Variants in KRT9 observed in about 807,000 individuals in gnomAD.
KRT9 encodes the protein keratin, type I cytoskeletal 9.
Under a neutral mutation model 51.4 loss-of-function variants are expected in KRT9, and 34 were observed. That is an observed-to-expected ratio of 0.66 (90% CI 0.50 to 0.88). KRT9 has a LOEUF of 0.88. KRT9 is among the 40% of genes least tolerant of loss of function. The probability of loss-of-function intolerance (pLI) is 0.00; values close to 1 mark genes in which losing one functional copy is unlikely to be tolerated. For missense variants in KRT9, 753 were observed against 790.3 expected, an observed-to-expected ratio of 0.95 and a Z score of 0.57; for synonymous variants, 292 against 289.7, an observed-to-expected ratio of 1.01 and a Z score of -0.08.
At chr17:41,571,167 G>A in intron 1 of KRT9, among the ~76,000 whole-genome samples, 184 bp downstream of exon 1, 1 of 152,186 alleles carries the variant, frequency 6.6e-6, no homozygotes. Flanking sequence ...TCAGAGCACA[G>A]GCCAAAGTCC....
chr17:41,567,613 C>G lies in KRT9; in HGVS notation c.1532G>C (p.Gly511Ala). The G allele has an allele frequency of 5.1e-6, 8 of 1,571,474 alleles. No homozygotes were observed. The highest frequency in any genetic ancestry group is 6.9e-6 in the Non-Finnish European group (8 of 1,158,918). The change falls in exon 7 of 8, where the codon GGG becomes GCG. Residue 511 changes from glycine to alanine, a missense_variant. Physicochemically the swap from Gly to Ala is moderately conservative, Grantham distance 60. Coordinates refer to ENST00000246662, the MANE Select transcript of KRT9 (RefSeq NM_000226.4). ...GSGGGYGGGSGSRGGSGGSYG... is the reference protein window; with the variant it reads ...GSGGGYGGGSASRGGSGGSYG... ...GCTGCCTCCACTTCCTCCCCTGGAC[C>G]CACTTCCTCCACCATAGCCACCTCC... is the stretch of plus-strand genomic sequence containing the variant.
In KRT9 at chr17:41,567,626, C is replaced by G. The variant is rs144649847; in HGVS notation, c.1519G>C (p.Gly507Arg). 2.1e-4 allele frequency: 331 copies of G among 1,581,756 alleles called. No individual in the cohort carries two copies. The highest frequency in any genetic ancestry group is 2.8e-4 in the Non-Finnish European group (323 of 1,164,320). The change falls in exon 7 of 8, where the codon GGT becomes CGT. Residue 507 changes from glycine to arginine, a missense_variant. Gly to Arg is a moderately radical substitution (Grantham distance 125, BLOSUM62 -2). Transcript: ENST00000246662. Reference sequence around the variant, plus strand: ...CCTCCCCTGGACCCACTTCCTCCACCATAGCCACCTCCACTTCCTCCTCCA... The same window carrying G: ...CCTCCCCTGGACCCACTTCCTCCACGATAGCCACCTCCACTTCCTCCTCCA... ...YGGGGSGGGY[G>R]GGSGSRGGSG...
intron 7 of KRT9, among the ~76,000 whole-genome samples, chr17:41,566,539 G>A (rs1309874351): frequency 6.6e-6 from 1 of 152,188 alleles, no homozygotes; most frequent in East Asian, 1.9e-4. Context: ...ACCCTGCAGG[G>A]CAGCTCCCAA....
In KRT9 at chr17:41,571,595, C is replaced by A. The variant is rs750183855; in HGVS notation, c.398G>T (p.Gly133Val). Residue 133 changes from glycine (G) to valine (V), a missense_variant, in exon 1 of 8, where the codon GGG becomes GTG. By Grantham distance (109) the Gly-to-Val change is moderately radical. Around this residue, in one of 3 missense-constraint regions of KRT9, gnomAD observed 241 missense variants for 210.3 expected, o/e 1.15. Coordinates refer to ENST00000246662, the MANE Select transcript of KRT9 (RefSeq NM_000226.4). ...FGGGYGSGFG[G>V]FGGFGGGAGG... Reference sequence around the variant, plus strand: ...AGCACCACCTCCAAAGCCCCCAAACCCCCCAAACCCACTCCCATAGCCACC... The same window carrying A: ...AGCACCACCTCCAAAGCCCCCAAACACCCCAAACCCACTCCCATAGCCACC... 6.2e-7 allele frequency: 1 copy of A among 1,600,884 alleles called. No individual in the cohort carries two copies. The highest frequency in any genetic ancestry group is 1.3e-5 in the African/African-American group (1 of 74,458).
chr17:41,567,214 A>C lies in KRT9; in HGVS notation c.*40+19T>G. The C allele has an allele frequency of 6.2e-7, 1 of 1,611,808 alleles. No individual in the cohort carries two copies. The highest frequency in any genetic ancestry group is 8.5e-7 in the Non-Finnish European group (1 of 1,179,728). ...TGAGACCTTGACTCTCCACCCCACAACCTAGGATTGTCCCTTACCTTTTGT... is the reference window on the plus strand; with the variant it reads ...TGAGACCTTGACTCTCCACCCCACACCCTAGGATTGTCCCTTACCTTTTGT... On this transcript the variant is annotated intron_variant, in intron 7 of 7. Transcript: ENST00000246662.
chr17:41,571,888 G>A lies in KRT9; in HGVS notation c.105C>T (p.Phe35=), dbSNP rs1907102687. The change falls in exon 1 of 8, where the codon TTC becomes TTT. Residue 35 remains phenylalanine (F), a synonymous_variant. Transcript: ENST00000246662. The part of the protein sequence containing the change: ...GGSIRSSYSR[F]SSSGGGGGGG... ...CTCCTCCACCGCCCCCTGAGGAGCT[G>A]AAGCGGCTGTAGGAAGACCTTATGC... The A allele has an allele frequency of 1.2e-6, 2 of 1,610,234 alleles. No individual in the cohort carries two copies. The highest frequency in any genetic ancestry group is 1.7e-6 in the Non-Finnish European group (2 of 1,178,508).
At chr17:41,567,806 G>A (rs1255226587) in intron 6 of KRT9, 56 bp from the exon 7 acceptor site, 5 of 1,610,790 alleles carry the variant, frequency 3.1e-6, no homozygotes, top group African/African-American at 2.7e-5. Flanking sequence ...ACACATATAT[G>A]AGGATGGACC....
Position 41,571,637 on chromosome 17 carries a change from G to A in KRT9, c.356C>T (p.Ser119Phe). 1 of 1,603,588 alleles carries A rather than the reference G, an allele frequency of 6.2e-7. No individual in the cohort carries two copies. The highest frequency in any genetic ancestry group is 2.3e-5 in the East Asian group (1 of 44,120). The change falls in exon 1 of 8, where the codon TCT (serine) becomes TTT (phenylalanine). Residue 119 changes from serine (S) to phenylalanine (F), a missense_variant. Coordinates refer to ENST00000246662, the MANE Select transcript of KRT9 (RefSeq NM_000226.4). ...ATAGCCACCACCAAAGCCACCTCCA[G>A]AACCACCACCAAAGCCACCTCCAAA... Reference protein sequence around the residue: ...GGFGGGFGGGSGGGFGGGYGS... With the variant: ...GGFGGGFGGGFGGGFGGGYGS...
At chr17:41,568,484 A>G in intron 5 of KRT9, 24 bp downstream of exon 5, 1 of 1,614,086 alleles carries the variant, frequency 6.2e-7, no homozygotes, top group Non-Finnish European at 8.5e-7. Context: ...ACCTTGGCAA[A>G]GGGTCTATAG....
chr17:41,567,175 A>G, intron 7 of KRT9, 58 bp downstream of exon 7: 1 of 640,944 alleles, frequency 1.6e-6, no homozygotes, highest in Non-Finnish European at 2.0e-6. Flanking sequence ...AAAATACTCA[A>G]AAAAAAAAAA....
At chr17:41,570,747 G>A (rs1907054402) in intron 1 of KRT9, among the ~76,000 whole-genome samples, 2 of 152,164 alleles carry the variant, frequency 1.3e-5, no homozygotes, top group African/African-American at 4.8e-5. Context: ...GAGCCAGACC[G>A]TGAGCTCCAC....
chr17:41,569,344 G>T (rs570964519), intron 4 of KRT9, 82 bp downstream of exon 4: 1 of 1,348,398 alleles, frequency 7.4e-7, no homozygotes. Context: ...GAGATAGGAG[G>T]ATGAAGGAAT....
Position 41,569,613 on chromosome 17 carries a change from G to A in KRT9, c.883-26C>T, listed in dbSNP as rs371632610. 170 of 1,612,486 alleles carry A rather than the reference G, an allele frequency of 1.1e-4. No individual in the cohort carries two copies. The Middle Eastern group carries it at 1.6e-3, about 15-fold the overall frequency. ...CTGCCAGGGAAGAAGGGGAGATGAGGTCACGGATAAAGTCCTCTGCACCAC... is the reference window on the plus strand; with the variant it reads ...CTGCCAGGGAAGAAGGGGAGATGAGATCACGGATAAAGTCCTCTGCACCAC... On this transcript the variant is annotated intron_variant, in intron 3 of 7. Coordinates refer to ENST00000246662, the MANE Select transcript of KRT9 (RefSeq NM_000226.4).
At position 41,569,514 on chromosome 17, in the gene KRT9, A is replaced by G; in HGVS notation, c.956T>C (p.Leu319Pro). 5 of 1,614,162 alleles carry G rather than the reference A, an allele frequency of 3.1e-6. No individual in the cohort carries two copies. Among genetic ancestry groups the G allele is most frequent in the Non-Finnish European group, 4.2e-6 (5 of 1,180,024 alleles). Residue 319 changes from leucine to proline, a missense_variant, in exon 4 of 8, where the codon CTC (leucine) becomes CCC (proline). Coordinates refer to ENST00000246662, the MANE Select transcript of KRT9 (RefSeq NM_000226.4). ...VEINVAPGKD[L>P]TKTLNDMRQE... ...ACGCATGTCATTGAGGGTCTTGGTG[A>G]GATCTTTGCCAGGAGCAACGTTTAT...
chr17:41,569,469 A>G lies in KRT9; in HGVS notation c.1001T>C (p.Ile334Thr), dbSNP rs1179584514. 6.2e-7 allele frequency: 1 copy of G among 1,614,146 alleles called. No homozygotes were observed. ...CTCGATGTCCTTTCTGTTCTTAGCA[A>G]TGAGCTGCTCATACTCCTGACGCAT... ...NDMRQEYEQL[I>T]AKNRKDIENQ... is the part of the protein sequence containing the mutation. Residue 334 changes from isoleucine to threonine, a missense_variant, in exon 4 of 8, where the codon ATT becomes ACT. Physicochemically the swap from Ile to Thr is moderately conservative, Grantham distance 89 (BLOSUM62 -1). This residue lies in a region of KRT9 where 507 missense variants were observed against 563.7 expected (regional missense o/e 0.90). Coordinates refer to ENST00000246662, the MANE Select transcript of KRT9 (RefSeq NM_000226.4).
At chr17:41,567,843 AT>A in intron 6 of KRT9, 93 bp from the exon 7 acceptor site, 1 of 1,584,778 alleles carries the variant, frequency 6.3e-7, no homozygotes, top group African/African-American at 1.4e-5. Context: ...CCAAACATGA[AT>A]CTTTCTGTTT....
rs759005856 is a variant in KRT9 at position 41,569,983 on chromosome 17, A to G, written c.758T>C (p.Val253Ala). 4.3e-6 allele frequency: 7 copies of G among 1,613,546 alleles called. No homozygotes were observed. The highest frequency in any genetic ancestry group is 1.3e-5 in the African/African-American group (1 of 74,724). Residue 253 changes from valine to alanine, a missense_variant, in exon 3 of 8, where the codon GTG (valine) becomes GCG (alanine). Around this residue, in one of 3 missense-constraint regions of KRT9, gnomAD observed 507 missense variants for 563.7 expected, o/e 0.90. Transcript: ENST00000246662. ...FEMEQNLRQG[V>A]DADINGLRQV... ...CCGCAGGCCATTGATGTCAGCATCCACTCCTTGCCGCAGGTTTTGCTCCAT... is the reference window on the plus strand; with the variant it reads ...CCGCAGGCCATTGATGTCAGCATCCGCTCCTTGCCGCAGGTTTTGCTCCAT...
At position 41,567,272 on chromosome 17, in the gene KRT9, A is replaced by C; in HGVS notation, c.*1T>G. 1.9e-6 allele frequency: 3 copies of C among 1,613,914 alleles called. No homozygotes were observed. The highest frequency in any genetic ancestry group is 2.5e-6 in the Non-Finnish European group (3 of 1,180,022). On this transcript the variant is annotated 3_prime_UTR_variant, in exon 7 of 8. Transcript: ENST00000246662. ...TGGTCACCAGATTTTGAGGAAGAAG[A>C]CTAGGAATGGGATGATTTTCCGCTT...
intron 2 of KRT9, 29 bp downstream of exon 2, chr17:41,570,109 C>T: frequency 1.2e-6 from 2 of 1,612,918 alleles, no homozygotes; most frequent in Non-Finnish European, 1.7e-6. Flanking sequence ...GGGCTGATGA[C>T]AGGAGAGGAG....
Sources: allele counts gnomAD v4.1 joint callset (sites outside exome capture counted in the v4.1 genomes callset), GRCh38; gene constraint gnomAD v4.1.1; regional missense constraint gnomAD v4.1.1; transcripts MANE v1.5; gene names NCBI Gene and HGNC (gene_info 2026-07-23, HGNC 2026-07-21).